Variants in CSMD1 observed in about 807,000 individuals in gnomAD.
CSMD1 encodes CUB and sushi domain-containing protein 1.
CSMD1 carries 213 observed loss-of-function variants against 417.5 expected under a neutral mutation model. The observed-to-expected ratio is 0.51, with a 90% CI of 0.46 to 0.57. The LOEUF (loss-of-function observed/expected upper bound fraction) is 0.57, where lower values mean the gene tolerates loss of function less well. CSMD1 is among the 20% of genes least tolerant of loss of function. The pLI is 0.00. For synonymous variants in CSMD1, 2,862 were observed against 1,736.8 expected, an observed-to-expected ratio of 1.65 and a Z score of -16.11; for missense variants, 6,923 against 4,529.7, an observed-to-expected ratio of 1.53 and a Z score of -15.17.
chr8:4,772,394 T>G (rs1440756186), intron 1 of CSMD1, among the ~76,000 whole-genome samples: 3 of 152,198 alleles, frequency 2.0e-5, no homozygotes, highest in Non-Finnish European at 4.4e-5. Flanking sequence ...AGTGGTTAGG[T>G]TGGGTCCACC....
intron 5 of CSMD1, among the ~76,000 whole-genome samples, chr8:3,875,980 C>T (rs565356496): frequency 6.6e-6 from 1 of 150,608 alleles, no homozygotes; most frequent in Non-Finnish European, 1.5e-5. Context: ...TTGCGAAGGG[C>T]CACATGTCTT....
rs191370617 is a variant in CSMD1, at chr8:3,156,821, G to C, written c.5914+1076C>G. ...GAGCTGTAGGTTAGGATTCCATGGA[G>C]ACGATAATTTAGGAGGGGACTGTGC... On this transcript the variant is annotated intron_variant, in intron 39 of 69. Coordinates refer to ENST00000635120, the MANE Select transcript of CSMD1 (RefSeq NM_033225.6). Among the ~76,000 whole-genome samples the C allele has an allele frequency of 2.5e-3, 376 of 152,008 alleles. 1 individual carries two copies. Among genetic ancestry groups the C allele is most frequent in the African/African-American group, 7.7e-3 (321 of 41,426 alleles).
At chr8:4,944,283 AT>A (rs1003701318) in intron 1 of CSMD1, among the ~76,000 whole-genome samples, 3 of 152,232 alleles carry the variant, frequency 2.0e-5, no homozygotes, top group Admixed American at 2.0e-4. Flanking sequence ...TACTGTGAGT[AT>A]TATGGAGATC....
intron 3 of CSMD1, among the ~76,000 whole-genome samples, chr8:4,344,547 T>A (rs375444090): frequency 6.4e-4 from 96 of 150,620 alleles, no homozygotes; most frequent in Non-Finnish European, 1.1e-3. Flanking sequence ...AATAGGTATA[T>A]AAGAATATAA....
At chr8:3,789,731 T>A (rs1274145427) in intron 5 of CSMD1, among the ~76,000 whole-genome samples, 1 of 132,704 alleles carries the variant, frequency 7.5e-6, no homozygotes, top group African/African-American at 3.3e-5. Context: ...GGTTAATTTT[T>A]TTTTTTTTTT....
chr8:4,896,676 G>C (rs889958201), intron 1 of CSMD1, among the ~76,000 whole-genome samples: 5 of 152,086 alleles, frequency 3.3e-5, no homozygotes, highest in African/African-American at 1.2e-4. Context: ...TCCGGGGGAA[G>C]GATTGCATAC....
intron 37 of CSMD1, among the ~76,000 whole-genome samples, chr8:3,170,441 C>G (rs1820513867): frequency 6.6e-6 from 1 of 152,188 alleles, no homozygotes; most frequent in Non-Finnish European, 1.5e-5. Flanking sequence ...ATCTCCTGAC[C>G]TTGTCATCCG....
intron 3 of CSMD1, among the ~76,000 whole-genome samples, chr8:4,406,947 G>T (rs1563140703): frequency 6.6e-6 from 1 of 152,186 alleles, no homozygotes; most frequent in Non-Finnish European, 1.5e-5. Flanking sequence ...ACTTAAAAGG[G>T]AAGAGTATCT....
intron 5 of CSMD1, among the ~76,000 whole-genome samples, chr8:3,800,736 T>C (rs531863154): frequency 6.6e-6 from 1 of 152,104 alleles, no homozygotes; most frequent in Non-Finnish European, 1.5e-5. Flanking sequence ...AAGGAAAAGA[T>C]TAGTTTTGTT....
intron 3 of CSMD1, among the ~76,000 whole-genome samples, chr8:4,185,182 A>G (rs1484302454): frequency 1.3e-5 from 2 of 151,794 alleles, no homozygotes; most frequent in Non-Finnish European, 2.9e-5. Flanking sequence ...GAAAAAACCA[A>G]AAAGAAACAC....
intron 1 of CSMD1, among the ~76,000 whole-genome samples, chr8:4,811,128 G>A (rs576562849): frequency 6.6e-6 from 1 of 152,170 alleles, no homozygotes. Flanking sequence ...ACACATAAAT[G>A]ATCAAGTGAG....
chr8:3,364,842 C>T (rs1234448008), intron 20 of CSMD1, among the ~76,000 whole-genome samples: 3 of 152,148 alleles, frequency 2.0e-5, no homozygotes, highest in Non-Finnish European at 4.4e-5. Context: ...CTCAGGTATG[C>T]TGTTATGGCA....
At chr8:4,107,646 A>C (rs79292554) in intron 3 of CSMD1, among the ~76,000 whole-genome samples, 13,525 of 152,142 alleles carry the variant, frequency 0.089, 925 homozygotes, top group East Asian at 0.32. Flanking sequence ...GCACCACCGA[A>C]AGCTCATTTG....
chr8:3,121,384 A>C (rs967949612), intron 41 of CSMD1, among the ~76,000 whole-genome samples: 2 of 152,170 alleles, frequency 1.3e-5, no homozygotes, highest in Non-Finnish European at 2.9e-5. Context: ...AACAAGAAAA[A>C]TCGAGATCAG....
chr8:3,767,504 A>G (rs1798343194), intron 5 of CSMD1, among the ~76,000 whole-genome samples: 1 of 152,108 alleles, frequency 6.6e-6, no homozygotes, highest in African/African-American at 2.4e-5. Context: ...CCCCAACCTA[A>G]CTAAGGCTTA....
intron 21 of CSMD1, among the ~76,000 whole-genome samples, chr8:3,350,649 A>G (rs1416887017): frequency 6.6e-6 from 1 of 152,234 alleles, no homozygotes; most frequent in Non-Finnish European, 1.5e-5. Flanking sequence ...CTTTTATTCT[A>G]AATAGGTCAC....
At chr8:3,814,634 A>T (rs185265049) in intron 5 of CSMD1, among the ~76,000 whole-genome samples, 2 of 152,170 alleles carry the variant, frequency 1.3e-5, no homozygotes, top group African/African-American at 2.4e-5. Context: ...CGGCCTCCCA[A>T]ACAAAGAGCT....
chr8:4,521,246 A>G (rs1266972221), intron 2 of CSMD1, among the ~76,000 whole-genome samples: 1 of 152,212 alleles, frequency 6.6e-6, no homozygotes, highest in Non-Finnish European at 1.5e-5. Context: ...AATGATAGTC[A>G]TAGTGTCATG....
rs534653298 is a variant in CSMD1, at chr8:4,484,922, G to A, written c.303-64857C>T. On this transcript the variant is annotated intron_variant, in intron 2 of 69. Coordinates refer to ENST00000635120, the MANE Select transcript of CSMD1 (RefSeq NM_033225.6). Reference sequence around the variant, plus strand: ...CGGGAGGCAGAGGTTGCAGTGAGCCGAGATCGTGCCACTGCACTCCAGCAC... The same window carrying A: ...CGGGAGGCAGAGGTTGCAGTGAGCCAAGATCGTGCCACTGCACTCCAGCAC... 8.6e-5 allele frequency among the ~76,000 whole-genome samples: 12 copies of A among 138,966 alleles called. 1 individual carries two copies. In the East Asian group the frequency reaches 1.6e-3, roughly 19 times the overall value. The allele number at this position is 138,966 out of a possible 152,430, so 91.2% of individuals were successfully genotyped here. A position where few individuals can be genotyped will look rare whatever the true frequency, so the allele number is the denominator to read the frequency against.
Sources: gnomAD v4.1 joint callset for allele counts (sites outside exome capture counted in the v4.1 genomes callset) on GRCh38, gnomAD v4.1.1 for gene constraint, MANE v1.5 for transcripts, NCBI Gene and HGNC (gene_info 2026-07-23, HGNC 2026-07-21) for gene names.